The following ABTB2 variants were observed in gnomAD, a reference collection of about 807,000 sequenced individuals.
The protein encoded by ABTB2 is ankyrin repeat and BTB/POZ domain-containing protein 2.
In ABTB2, 56 loss-of-function variants were observed where a neutral mutation model predicts 104.1. That is an observed-to-expected ratio of 0.54 (90% CI 0.43 to 0.67). The LOEUF (loss-of-function observed/expected upper bound fraction) is 0.67. Ranked by LOEUF, ABTB2 falls within the 30% of genes least tolerant of loss-of-function variation. The probability of loss-of-function intolerance (pLI) is 0.00; values close to 1 mark genes in which losing one functional copy is unlikely to be tolerated. For synonymous variants in ABTB2, 606 were observed against 608.2 expected (o/e 1.00, Z 0.05); for missense variants, 1,279 against 1,407.7 (o/e 0.91, Z 1.46).
rs946380263 is a variant in ABTB2 at position 34,151,490 on chromosome 11, C to T, written c.*897G>A. 1.3e-5 allele frequency: 2 copies of T among 152,228 alleles called. No individual in the cohort carries two copies. The highest frequency in any genetic ancestry group is 2.9e-5 in the Non-Finnish European group (2 of 68,046). The allele number at this position is 152,228 out of a possible 1,614,324, so 9.4% of individuals were successfully genotyped here. A position where few individuals can be genotyped will look rare whatever the true frequency, so the allele number is the denominator to read the frequency against. ...GCTCTCAATCCTACATTAAAGGAGC[C>T]GAGAGACTTGACCAGGGGACTCTGC... On this transcript the variant is annotated 3_prime_UTR_variant, in exon 17 of 17. Coordinates refer to ENST00000435224, the MANE Select transcript of ABTB2 (RefSeq NM_145804.3).
intron 1 of ABTB2, among the ~76,000 whole-genome samples, chr11:34,298,438 TTTTTTC>T (rs1296449107): frequency 6.6e-6 from 1 of 150,862 alleles, no homozygotes; most frequent in East Asian, 1.9e-4. Flanking sequence ...ACCAATTACT[TTTTTTC>T]TTTTAAATTT....
In ABTB2 at chr11:34,160,000, AGT is replaced by A; in HGVS notation, c.2510_2511del (p.His837LeufsTer5). The part of the protein sequence containing the change: ...RKTLPARLDP[H>X]FLNNKEMSDV... Reference sequence around the variant, plus strand: ...TCTGACATCTCCTTATTGTTCAAAAAGTGTGGATCTGTGAAAAGCGGGGAGAC... The same window carrying A: ...TCTGACATCTCCTTATTGTTCAAAAAGTGGATCTGTGAAAAGCGGGGAGAC... On this transcript the variant is annotated frameshift_variant, in exon 13 of 17. Transcript: ENST00000435224. LOFTEE classifies it high-confidence loss of function. The A allele has an allele frequency of 6.2e-7, 1 of 1,613,270 alleles. No homozygotes were observed. Among genetic ancestry groups the A allele is most frequent in the Non-Finnish European group, 8.5e-7 (1 of 1,179,506 alleles).
chr11:34,154,056 C>T lies in ABTB2; in HGVS notation c.2880+209G>A, dbSNP rs1170511524. ...CTAGGGTGCAGCTGGCTCAAAAGCT[C>T]ACCTCCCAAGCTACCACATGGCCAG... On this transcript the variant is annotated intron_variant, in intron 16 of 16. Coordinates refer to ENST00000435224, the MANE Select transcript of ABTB2 (RefSeq NM_145804.3). This position sits in a 1 kb window ranked among gnomAD's most constrained non-coding sequence, Gnocchi z 4.9. Among the ~76,000 whole-genome samples, 2 of 152,306 alleles carry T rather than the reference C, an allele frequency of 1.3e-5. No individual in the cohort carries two copies. The highest frequency in any genetic ancestry group is 3.9e-4 in the East Asian group (2 of 5,178).
At chr11:34,259,346 T>C (rs1854160940) in intron 1 of ABTB2, among the ~76,000 whole-genome samples, 2 of 152,190 alleles carry the variant, frequency 1.3e-5, no homozygotes, top group African/African-American at 4.8e-5. Flanking sequence ...ATAGCAGGAA[T>C]AAAGCAGGGA....
intron 1 of ABTB2, among the ~76,000 whole-genome samples, chr11:34,256,192 CAAAT>C: frequency 6.6e-6 from 1 of 152,184 alleles, no homozygotes; most frequent in African/African-American, 2.4e-5. Flanking sequence ...CACCTAGAGA[CAAAT>C]AAATCACACG....
chr11:34,301,721 T>C (rs1854708667), intron 1 of ABTB2, among the ~76,000 whole-genome samples: 1 of 152,218 alleles, frequency 6.6e-6, no homozygotes, highest in Non-Finnish European at 1.5e-5. Context: ...CAGCAGCTCA[T>C]GCCTGTAATC....
intron 1 of ABTB2, among the ~76,000 whole-genome samples, chr11:34,284,117 C>T (rs1228664438): frequency 6.6e-6 from 1 of 152,202 alleles, no homozygotes; most frequent in African/African-American, 2.4e-5. Context: ...CCAGGTAATG[C>T]CGATGCTGCT....
intron 1 of ABTB2, among the ~76,000 whole-genome samples, chr11:34,295,729 G>A (rs769259689): frequency 5.3e-5 from 8 of 152,194 alleles, no homozygotes; most frequent in Non-Finnish European, 7.3e-5. Flanking sequence ...CTGAGATCAG[G>A]GTGCCAGCAT....
intron 1 of ABTB2, among the ~76,000 whole-genome samples, chr11:34,233,502 C>T (rs993637677): frequency 2.6e-5 from 4 of 151,872 alleles, no homozygotes; most frequent in South Asian, 2.1e-4. Flanking sequence ...AGGGGTACAC[C>T]ACCACACCCA....
At chr11:34,320,340 G>A (rs1238772018) in intron 1 of ABTB2, among the ~76,000 whole-genome samples, 2 of 152,140 alleles carry the variant, frequency 1.3e-5, no homozygotes, top group African/African-American at 4.8e-5. Flanking sequence ...ACATTTGAAT[G>A]CTTTGTATTT....
chr11:34,260,682 A>G (rs10836178), intron 1 of ABTB2, among the ~76,000 whole-genome samples: 45,838 of 152,076 alleles, frequency 0.3, 8,775 homozygotes, highest in African/African-American at 0.55. Context: ...AGGTTTTCTT[A>G]AAGCATCCAA....
At chr11:34,207,704 T>A (rs879136838) in intron 1 of ABTB2, among the ~76,000 whole-genome samples, 8 of 152,258 alleles carry the variant, frequency 5.3e-5, no homozygotes, top group Admixed American at 5.2e-4. Context: ...TTTAGTGGCT[T>A]GCCTAAGGTC....
intron 1 of ABTB2, among the ~76,000 whole-genome samples, chr11:34,239,351 AT>A (rs879802760): frequency 1.9e-4 from 29 of 150,526 alleles, no homozygotes; most frequent in Non-Finnish European, 3.7e-4. Flanking sequence ...TTTTAAATTT[AT>A]TTTTTTTTGG....
chr11:34,165,229 T>C (rs1852781473), intron 8 of ABTB2, 31 bp downstream of exon 8: 1 of 1,528,330 alleles, frequency 6.5e-7, no homozygotes, highest in African/African-American at 1.4e-5. Context: ...CAGGGAAGGG[T>C]AGACAGAGCC....
intron 9 of ABTB2, among the ~76,000 whole-genome samples, chr11:34,163,609 G>A (rs1318167980): frequency 2.0e-5 from 3 of 152,172 alleles, no homozygotes; most frequent in Non-Finnish European, 4.4e-5. Context: ...AGGTTCCTGG[G>A]GGCTGACCTG....
intron 1 of ABTB2, among the ~76,000 whole-genome samples, chr11:34,237,559 C>G (rs530253779): frequency 6.6e-6 from 1 of 152,272 alleles, no homozygotes; most frequent in South Asian, 2.1e-4. Flanking sequence ...TTTTCTGAAT[C>G]ATTATTTGTA....
chr11:34,319,463 TG>T (rs1854976107), intron 1 of ABTB2, among the ~76,000 whole-genome samples: 1 of 152,166 alleles, frequency 6.6e-6, no homozygotes, highest in Admixed American at 6.5e-5. Flanking sequence ...AGGACAGGTT[TG>T]GGACAAAAAG....
rs937849109 is a variant in ABTB2 at position 34,323,942 on chromosome 11, G to A, written c.883+32759C>T. Among the ~76,000 whole-genome samples, 3 of 108,508 alleles carry A rather than the reference G, an allele frequency of 2.8e-5. No individual in the cohort carries two copies. In the Admixed American group the frequency reaches 4.1e-4, roughly 15 times the overall value. 71.2% of individuals were successfully genotyped at this position (108,508 alleles called of 152,430 possible). A position where few individuals can be genotyped will look rare whatever the true frequency, so the allele number is the denominator to read the frequency against. ...TTTTTTTTTTTTTTTGAGATGGAGT[G>A]TCACTCTGTTGCCCAGGCTGGAGTG... On this transcript the variant is annotated intron_variant, in intron 1 of 16. Transcript: ENST00000435224.
At chr11:34,253,931 T>A (rs1316795300) in intron 1 of ABTB2, among the ~76,000 whole-genome samples, 3 of 152,112 alleles carry the variant, frequency 2.0e-5, no homozygotes, top group Non-Finnish European at 4.4e-5. Context: ...CAATCCTCCC[T>A]CAGTGAAGTT....
Sources: allele counts gnomAD v4.1 joint callset (sites outside exome capture counted in the v4.1 genomes callset), GRCh38; gene constraint gnomAD v4.1.1; non-coding constraint Gnocchi (gnomAD v3.1); transcripts MANE v1.5; gene names NCBI Gene and HGNC (gene_info 2026-07-23, HGNC 2026-07-21).